Variants in KANK1 observed in about 807,000 individuals in gnomAD.
KANK1 encodes KN motif and ankyrin repeat domains 1, also known as KN motif and ankyrin repeat domain-containing protein 1.
KANK1 carries 109 observed loss-of-function variants against 106.2 expected under a neutral mutation model. That is an observed-to-expected ratio of 1.03 (90% CI 0.88 to 1.20). The LOEUF is 1.20. KANK1 is among the 50% of genes most tolerant of loss of function. The probability of loss-of-function intolerance (pLI) is 0.00; values close to 1 mark genes in which losing one functional copy is unlikely to be tolerated. For missense variants in KANK1, 2,399 were observed against 1,710.7 expected (o/e 1.40, Z -7.10); for synonymous variants, 873 against 652.2 (o/e 1.34, Z -5.16).
chr9:737,013 T>G (rs1291366012), intron 7 of KANK1, among the ~76,000 whole-genome samples: 1 of 152,228 alleles, frequency 6.6e-6, no homozygotes, highest in Non-Finnish European at 1.5e-5. Flanking sequence ...CTGTGATGGG[T>G]ACATCTTTTT....
intron 8 of KANK1, among the ~76,000 whole-genome samples, chr9:739,632 G>A (rs1278576308): frequency 6.6e-6 from 1 of 152,180 alleles, no homozygotes; most frequent in African/African-American, 2.4e-5. Context: ...ATAATATCCA[G>A]GGAAGCTGAA....
chr9:674,525 AC>A (rs1398007866), intron 1 of KANK1: 1 of 152,148 alleles, frequency 6.6e-6, no homozygotes, highest in Non-Finnish European at 1.5e-5. Flanking sequence ...AGAAATTCTC[AC>A]CCTGTGTGAT....
chr9:695,440 A>G (rs949957952), intron 2 of KANK1, among the ~76,000 whole-genome samples: 1 of 146,310 alleles, frequency 6.8e-6, no homozygotes, highest in African/African-American at 2.6e-5. Context: ...TAACTGGTAC[A>G]TACCACTCTG....
At chr9:515,159 C>G (rs2133003942) in intron 1 of KANK1, among the ~76,000 whole-genome samples, 1 of 151,584 alleles carries the variant, frequency 6.6e-6, no homozygotes, top group South Asian at 2.1e-4. Context: ...CTGGCTAACA[C>G]AGTGAAACCC....
At chr9:651,674 T>A (rs957395798) in intron 1 of KANK1, among the ~76,000 whole-genome samples, 2 of 152,232 alleles carry the variant, frequency 1.3e-5, no homozygotes, top group African/African-American at 2.4e-5. Flanking sequence ...CTATTTTGAT[T>A]AATTGTTTTA....
chr9:744,833 T>A, intron 11 of KANK1: 1 of 1,422,540 alleles, frequency 7.0e-7, no homozygotes. Flanking sequence ...CCCATAGAGG[T>A]TTTGATTCTG....
At chr9:740,153 A>G (rs1048678292) in intron 8 of KANK1, among the ~76,000 whole-genome samples, 1 of 152,178 alleles carries the variant, frequency 6.6e-6, no homozygotes, top group African/African-American at 2.4e-5. Flanking sequence ...CCGAAGGATA[A>G]TTTTATCCCT....
intron 1 of KANK1, among the ~76,000 whole-genome samples, chr9:623,032 G>C (rs1376699511): frequency 6.6e-6 from 1 of 152,094 alleles, no homozygotes; most frequent in African/African-American, 2.4e-5. Flanking sequence ...CAAAGCACAG[G>C]CAACAAAAGC....
intron 2 of KANK1, among the ~76,000 whole-genome samples, chr9:691,611 A>ATTTTTTTTTTTTTTTTTTTTTTT (rs767618077): frequency 1.1e-4 from 8 of 71,072 alleles, no homozygotes; most frequent in African/African-American, 3.7e-4. Flanking sequence ...TAATACCAGA[A>ATTTTTTTTTTTTTTTTTTTTTTT]TTTTTTTTTT....
At chr9:681,806 G>T (rs1352814740) in intron 2 of KANK1, among the ~76,000 whole-genome samples, 4 of 152,090 alleles carry the variant, frequency 2.6e-5, no homozygotes. Context: ...GACATAAATG[G>T]ATGAGCACTG....
At chr9:565,344 A>G (rs1817546823) in intron 1 of KANK1, among the ~76,000 whole-genome samples, 1 of 152,212 alleles carries the variant, frequency 6.6e-6, no homozygotes, top group Non-Finnish European at 1.5e-5. Context: ...GTTTGCTCCC[A>G]TTCTACCTTG....
chr9:613,547 G>C (rs546896315), intron 1 of KANK1, among the ~76,000 whole-genome samples: 1 of 152,136 alleles, frequency 6.6e-6, no homozygotes, highest in South Asian at 2.1e-4. Context: ...GCCCAGGGAA[G>C]CCAAAACGTT....
At chr9:476,145 A>C (rs1187680483) in intron 3 of KANK1, among the ~76,000 whole-genome samples, 4 of 137,094 alleles carry the variant, frequency 2.9e-5, no homozygotes, top group South Asian at 4.5e-4. Flanking sequence ...ACTCCATCTC[A>C]AAAAAAAAAA....
intron 3 of KANK1, among the ~76,000 whole-genome samples, chr9:723,012 G>T (rs999257050): frequency 6.6e-6 from 1 of 152,194 alleles, no homozygotes; most frequent in African/African-American, 2.4e-5. Context: ...GACTAGAGAA[G>T]ATAGAATTTG....
chr9:660,477 A>G (rs1843046760), intron 1 of KANK1, among the ~76,000 whole-genome samples: 1 of 152,162 alleles, frequency 6.6e-6, no homozygotes, highest in African/African-American at 2.4e-5. Context: ...TAATTCCTTC[A>G]TGCAGTAAAC....
chr9:688,902 G>C (rs1014996801), intron 2 of KANK1, among the ~76,000 whole-genome samples: 2 of 152,186 alleles, frequency 1.3e-5, no homozygotes, highest in African/African-American at 2.4e-5. Context: ...GCCCCTGGGG[G>C]TATGGCTGGC....
At chr9:550,738 C>T (rs963171272) in intron 1 of KANK1, among the ~76,000 whole-genome samples, 3 of 152,188 alleles carry the variant, frequency 2.0e-5, no homozygotes, top group South Asian at 2.1e-4. Flanking sequence ...AGATGTTTGG[C>T]GGTGTGGGAG....
At chr9:559,668 G>C (rs959110667) in intron 1 of KANK1, among the ~76,000 whole-genome samples, 5 of 152,204 alleles carry the variant, frequency 3.3e-5, no homozygotes, top group South Asian at 2.1e-4. Context: ...AGACGGAAAA[G>C]ACAAACAGAT....
chr9:551,884 CAA>C (rs536772524), intron 1 of KANK1, among the ~76,000 whole-genome samples: 39 of 120,766 alleles, frequency 3.2e-4, no homozygotes, highest in African/African-American at 8.1e-4. Context: ...CTTGTTTCTA[CAA>C]AAAAAAAAAA....
Sources: gnomAD v4.1 joint callset for allele counts (sites outside exome capture counted in the v4.1 genomes callset) on GRCh38, gnomAD v4.1.1 for gene constraint, MANE v1.5 for transcripts, NCBI Gene and HGNC (gene_info 2026-07-23, HGNC 2026-07-21) for gene names.